IQGAP1: variants seen among roughly 807,000 people sequenced by gnomAD.
IQGAP1 encodes the protein ras GTPase-activating-like protein IQGAP1.
IQGAP1 carries 66 observed loss-of-function variants against 215.6 expected under a neutral mutation model. That is an observed-to-expected ratio of 0.31 (90% confidence interval 0.25 to 0.38). IQGAP1 has a LOEUF of 0.38. Ranked by LOEUF, IQGAP1 falls within the 10% of genes least tolerant of loss-of-function variation. The probability of loss-of-function intolerance (pLI) is 1.00; values close to 1 mark genes in which losing one functional copy is unlikely to be tolerated. For missense variants in IQGAP1, 1,712 were observed against 1,997.1 expected, an observed-to-expected ratio of 0.86 and a Z score of 2.72; for synonymous variants, 772 against 728.7, an observed-to-expected ratio of 1.06 and a Z score of -0.96.
intron 15 of IQGAP1, among the ~76,000 whole-genome samples, chr15:90,460,343 A>G (rs1292411929): frequency 6.6e-6 from 1 of 151,950 alleles, no homozygotes; most frequent in Non-Finnish European, 1.5e-5. Flanking sequence ...GAATATGTCA[A>G]GTTGTCAGAG....
At chr15:90,454,213 T>C (rs373395327) in intron 13 of IQGAP1, among the ~76,000 whole-genome samples, 4 of 152,360 alleles carry the variant, frequency 2.6e-5, no homozygotes, top group African/African-American at 9.6e-5. Flanking sequence ...CCTTTAATTC[T>C]AGAGTTAGTC....
intron 26 of IQGAP1, among the ~76,000 whole-genome samples, chr15:90,478,681 G>T (rs1395585875): frequency 1.3e-5 from 2 of 152,184 alleles, no homozygotes; most frequent in Non-Finnish European, 2.9e-5. Flanking sequence ...TAAGAGCTAG[G>T]TGCAGAGTGT....
intron 15 of IQGAP1, among the ~76,000 whole-genome samples, chr15:90,458,196 C>T (rs1054678609): frequency 6.6e-6 from 1 of 152,184 alleles, no homozygotes; most frequent in Non-Finnish European, 1.5e-5. Flanking sequence ...AGCAGTAGCA[C>T]TTCATTTCTT....
intron 2 of IQGAP1, among the ~76,000 whole-genome samples, chr15:90,405,692 G>A (rs1964867540): frequency 6.6e-6 from 1 of 151,186 alleles, no homozygotes. Context: ...CCAAGGCAAA[G>A]GATAGTGTAT....
At chr15:90,446,416 C>G (rs1349306131) in intron 9 of IQGAP1, among the ~76,000 whole-genome samples, 1 of 152,144 alleles carries the variant, frequency 6.6e-6, no homozygotes. Context: ...ACTTTTAGGG[C>G]AGCTTGATTA....
chr15:90,476,499 G>T (rs1965981330), intron 23 of IQGAP1, among the ~76,000 whole-genome samples, 164 bp from the exon 24 acceptor site: 1 of 152,172 alleles, frequency 6.6e-6, no homozygotes, highest in South Asian at 2.1e-4. Flanking sequence ...TTTGACTGGT[G>T]TACTGAAAAC....
intron 9 of IQGAP1, among the ~76,000 whole-genome samples, chr15:90,443,709 T>C (rs888273824): frequency 2.6e-5 from 4 of 152,196 alleles, no homozygotes; most frequent in Non-Finnish European, 2.9e-5. Context: ...AGTAGTCTGT[T>C]TGGCTACAGT....
Position 90,388,286 on chromosome 15 carries a change from C to G in IQGAP1, c.-56C>G, listed in dbSNP as rs955741771. On this transcript the variant is annotated 5_prime_UTR_variant, in exon 1 of 38. Transcript: ENST00000268182. ...ACTTGGCAGGAGCTGTAGCTACCGC[C>G]GTCCGCGCCTCCAAGGTTTCACGGC... The G allele has an allele frequency of 2.5e-5, 40 of 1,581,176 alleles. No homozygotes were observed. Among genetic ancestry groups the G allele is most frequent in the South Asian group, 5.6e-5 (5 of 89,324 alleles).
chr15:90,457,793 G>A (rs1404968643), intron 15 of IQGAP1, among the ~76,000 whole-genome samples: 1 of 152,008 alleles, frequency 6.6e-6, no homozygotes, highest in African/African-American at 2.4e-5. Flanking sequence ...ACATATATGT[G>A]CATTTCTGTT....
intron 27 of IQGAP1, 22 bp from the exon 28 acceptor site, chr15:90,482,175 C>A: frequency 6.2e-7 from 1 of 1,614,216 alleles, no homozygotes; most frequent in Non-Finnish European, 8.5e-7. Context: ...GCCCTTCTCA[C>A]TAAGTTTTGT....
In IQGAP1 at chr15:90,492,480, G is replaced by A. The variant is rs1357481397; in HGVS notation, c.4462-65G>A. ...TTTAAGGCAGAGTTAAGCATTGCTGGGTTGTAGTGTGAAATGATAATGATA... is the reference window on the plus strand; with the variant it reads ...TTTAAGGCAGAGTTAAGCATTGCTGAGTTGTAGTGTGAAATGATAATGATA... On this transcript the variant is annotated intron_variant, in intron 34 of 37. Transcript: ENST00000268182. 12 of 1,288,090 alleles carry A rather than the reference G, an allele frequency of 9.3e-6. No homozygotes were observed. In the Admixed American group the frequency reaches 2.3e-4, roughly 24 times the overall value. The allele number at this position is 1,288,090 out of a possible 1,614,324, so 79.8% of individuals were successfully genotyped here. A position where few individuals can be genotyped will look rare whatever the true frequency, so the allele number is the denominator to read the frequency against.
intron 26 of IQGAP1, among the ~76,000 whole-genome samples, chr15:90,480,151 G>T (rs1966036659): frequency 6.6e-6 from 1 of 151,424 alleles, no homozygotes; most frequent in Non-Finnish European, 1.5e-5. Flanking sequence ...TTGCTCAGGA[G>T]GCCAAGACAG....
rs1314841364 is a variant in IQGAP1, at chr15:90,476,797, G to A, written c.2919G>A (p.Gln973=). 1.3e-6 allele frequency: 2 copies of A among 1,592,544 alleles called. No individual in the cohort carries two copies. The highest frequency in any genetic ancestry group is 1.2e-5 in the South Asian group (1 of 86,810). ...AGAGAGAGAAGTTGGAAGCTTACCA[G>A]CACCTGTTTTATTTATTGCAAGTAA... The part of the protein sequence containing the change: ...KEKREKLEAY[Q]HLFYLLQTNP... Residue 973 remains glutamine (Q), a synonymous_variant, in exon 24 of 38, where the codon CAG becomes CAA. Transcript: ENST00000268182.
At chr15:90,433,880 G>A in intron 5 of IQGAP1, 85 bp downstream of exon 5, 1 of 771,876 alleles carries the variant, frequency 1.3e-6, no homozygotes, top group Non-Finnish European at 2.1e-6. Flanking sequence ...AGGTAAGAAT[G>A]AAAAAGTTTT....
At chr15:90,435,552 T>G (rs73478807) in intron 5 of IQGAP1, among the ~76,000 whole-genome samples, 3,031 of 152,314 alleles carry the variant, frequency 0.02, 83 homozygotes, top group African/African-American at 0.07. Flanking sequence ...TTTGTTTGGC[T>G]TAGTGTTGCA....
chr15:90,388,957 G>T (rs1206458186), intron 1 of IQGAP1, among the ~76,000 whole-genome samples: 2 of 152,090 alleles, frequency 1.3e-5, no homozygotes, highest in Non-Finnish European at 2.9e-5. Context: ...AAAAAAAAAA[G>T]AAGCAGAAAA....
In IQGAP1 at chr15:90,443,500, G is replaced by T. The variant is rs569358877; in HGVS notation, c.913+22G>T. 19 of 1,295,010 alleles carry T rather than the reference G, an allele frequency of 1.5e-5. No individual in the cohort carries two copies. The East Asian group carries it at 2.5e-4, about 17-fold the overall frequency. 80.2% of individuals were successfully genotyped at this position (1,295,010 alleles called of 1,614,324 possible). On this transcript the variant is annotated intron_variant, in intron 9 of 37. Coordinates refer to ENST00000268182, the MANE Select transcript of IQGAP1 (RefSeq NM_003870.4). ...AATAGTAAGTATGTTCCTGAATCAGGCACCTAAAGGGATATTATAATATAA... is the reference window on the plus strand; with the variant it reads ...AATAGTAAGTATGTTCCTGAATCAGTCACCTAAAGGGATATTATAATATAA...
intron 2 of IQGAP1, among the ~76,000 whole-genome samples, chr15:90,423,226 G>T (rs1478483711): frequency 6.6e-6 from 1 of 152,052 alleles, no homozygotes. Context: ...ACTTTTCAAA[G>T]CAGTTTGGTC....
chr15:90,412,302 T>C (rs1646906240), intron 2 of IQGAP1, among the ~76,000 whole-genome samples: 1 of 152,236 alleles, frequency 6.6e-6, no homozygotes, highest in African/African-American at 2.4e-5. Flanking sequence ...ATTTTGCTTG[T>C]ATGGTTTGAA....
Sources: gnomAD v4.1 joint callset for allele counts (sites outside exome capture counted in the v4.1 genomes callset) on GRCh38, gnomAD v4.1.1 for gene constraint, MANE v1.5 for transcripts, NCBI Gene and HGNC (gene_info 2026-07-23, HGNC 2026-07-21) for gene names.